C1QTNF9B: variants seen among roughly 807,000 people sequenced by gnomAD.
The protein encoded by C1QTNF9B is C1q and TNF related 9B.
A neutral mutation model predicts 10.1 loss-of-function variants in C1QTNF9B; 9 were observed. The ratio of observed to expected loss-of-function variants is 0.89; its 90% CI spans 0.53 to 1.55. C1QTNF9B has a LOEUF of 1.55. C1QTNF9B is among the 40% of genes most tolerant of loss of function. The probability of loss-of-function intolerance (pLI) is 0.00; values close to 1 mark genes in which losing one functional copy is unlikely to be tolerated. For synonymous variants in C1QTNF9B, 79 were observed against 159.9 expected (o/e 0.49, Z 3.82); for missense variants, 196 against 414.4 (o/e 0.47, Z 4.58).
chr13:23,894,616 G>C, intron 1 of C1QTNF9B: 1 of 470,312 alleles, frequency 2.1e-6, no homozygotes, highest in Non-Finnish European at 4.2e-6. Flanking sequence ...CTCTTGAGGA[G>C]AGTGGAATGG....
At chr13:23,891,584 G>A in exon 3 of C1QTNF9B, 1 of 1,583,360 alleles carries the variant, frequency 6.3e-7, no homozygotes. Context: ...CCCCACTGCT[G>A]TATCATAATG....
At chr13:23,895,867 G>C (rs1463620233) in intron 1 of C1QTNF9B, among the ~76,000 whole-genome samples, 8 of 151,980 alleles carry the variant, frequency 5.3e-5, no homozygotes, top group African/African-American at 1.9e-4. Context: ...TGGGCTATTT[G>C]CTACCGGGGG....
intron 1 of C1QTNF9B, 77 bp downstream of exon 3, chr13:23,896,744 C>G: frequency 6.3e-7 from 1 of 1,582,364 alleles, no homozygotes; most frequent in South Asian, 1.2e-5. Flanking sequence ...GGTGGAAAAC[C>G]ACACAGATGA....
chr13:23,895,756 T>TACACATAC (rs1555245156), intron 1 of C1QTNF9B, among the ~76,000 whole-genome samples: 4 of 146,594 alleles, frequency 2.7e-5, no homozygotes, highest in African/African-American at 1.0e-4. Flanking sequence ...GACACAGACA[T>TACACATAC]ACACACACAC....
At chr13:23,892,704 T>C (rs930542328) in intron 2 of C1QTNF9B, among the ~76,000 whole-genome samples, 11 of 151,884 alleles carry the variant, frequency 7.2e-5, no homozygotes, top group African/African-American at 2.4e-4. Context: ...TGTGTGCACA[T>C]GGACACACAC....
chr13:23,893,653 A>G (rs1456974751), intron 2 of C1QTNF9B, among the ~76,000 whole-genome samples: 3 of 152,052 alleles, frequency 2.0e-5, no homozygotes, highest in Non-Finnish European at 2.9e-5. Flanking sequence ...TTTTATTTGT[A>G]TAGACAAAGT....
chr13:23,896,678 G>T, intron 1 of C1QTNF9B, 143 bp downstream of exon 3: 1 of 1,164,012 alleles, frequency 8.6e-7, no homozygotes, highest in South Asian at 1.5e-5. Flanking sequence ...GGATGAATGG[G>T]GTCAGGCTCC....
chr13:23,895,454 A>G (rs1872161940), intron 1 of C1QTNF9B, among the ~76,000 whole-genome samples: 1 of 152,208 alleles, frequency 6.6e-6, no homozygotes, highest in African/African-American at 2.4e-5. Context: ...ATGTGATTGA[A>G]TGTCCTTCTA....
chr13:23,891,410 T>A lies in C1QTNF9B; in HGVS notation c.881A>T (p.Gln294Leu), dbSNP rs139434006. ...CCACATCTCATCCCCGAGCTTCAGC[T>A]GCAGGACAATGCTGCCAGAGGCCTG... The change falls in exon 3 of 3, where the codon CAG becomes CTG. Residue 294 changes from glutamine to leucine, a missense_variant. Physicochemically the swap from Gln to Leu is moderately radical, Grantham distance 113. This residue lies in a region of C1QTNF9B where 72 missense variants were observed against 87.1 expected (regional missense o/e 0.83). Coordinates refer to ENST00000382137, the Ensembl canonical transcript of C1QTNF9B. 1.9e-6 allele frequency: 3 copies of A among 1,581,940 alleles called. No homozygotes were observed. In the African/African-American group the frequency reaches 4.1e-5, roughly 22 times the overall value.
At chr13:23,891,193 A>C in exon 3 of C1QTNF9B, 1 of 1,151,550 alleles carries the variant, frequency 8.7e-7, no homozygotes, top group Non-Finnish European at 1.2e-6. Flanking sequence ...TGATTATTGT[A>C]ATAATTGGAG....
chr13:23,891,544 A>G lies in C1QTNF9B; in HGVS notation c.747T>C (p.Tyr249=), dbSNP rs367934537. 3.7e-6 allele frequency: 6 copies of G among 1,607,960 alleles called. 1 individual carries two copies. Among genetic ancestry groups the G allele is most frequent in the Non-Finnish European group, 5.1e-6 (6 of 1,176,720 alleles). ...AAACAGTGATGTGGTAGGTGAAGTA[A>G]TAGACCCCAGCAATGTGGCACGTGA... Residue 249 remains tyrosine, a synonymous_variant, in exon 3 of 3, where the codon TAT becomes TAC. Coordinates refer to ENST00000382137, the Ensembl canonical transcript of C1QTNF9B.
chr13:23,892,010 C>A (rs562795604), exon 3 of C1QTNF9B: 1 of 1,614,052 alleles, frequency 6.2e-7, no homozygotes, highest in Non-Finnish European at 8.5e-7. Context: ...TGGGGATCCT[C>A]TTGAGCCTTG....
chr13:23,897,219 T>A (rs1872235489), upstream of C1QTNF9B: 3 of 524,032 alleles, frequency 5.7e-6, no homozygotes, highest in South Asian at 1.1e-4. Context: ...TTGGAACCAC[T>A]CTTCAAGCTG....
intron 1 of C1QTNF9B, 152 bp downstream of exon 3, chr13:23,896,669 G>A: frequency 1.9e-6 from 2 of 1,040,188 alleles, no homozygotes; most frequent in Non-Finnish European, 2.8e-6. Flanking sequence ...TGGGTGGATG[G>A]ATGAATGGGG....
intron 1 of C1QTNF9B, among the ~76,000 whole-genome samples, chr13:23,895,255 T>C (rs1872155939): frequency 6.6e-6 from 1 of 152,002 alleles, no homozygotes; most frequent in Non-Finnish European, 1.5e-5. Context: ...TCTAGAGCAG[T>C]GGCCTCTGAG....
upstream of C1QTNF9B, chr13:23,897,371 A>G (rs1471586832): frequency 7.1e-6 from 2 of 282,980 alleles, no homozygotes; most frequent in South Asian, 1.1e-4. Flanking sequence ...TTTTATCACA[A>G]TATGCATAAA....
exon 2 of C1QTNF9B, chr13:23,894,187 G>C (rs1294859002): frequency 1.3e-6 from 2 of 1,507,552 alleles, no homozygotes; most frequent in Non-Finnish European, 1.8e-6. Flanking sequence ...GGGCTGCCAG[G>C]ACATCCTGGT....
chr13:23,892,796 T>G (rs527392635), intron 2 of C1QTNF9B, among the ~76,000 whole-genome samples: 1 of 152,320 alleles, frequency 6.6e-6, no homozygotes, highest in Non-Finnish European at 1.5e-5. Flanking sequence ...CCCTACCATC[T>G]AAGTCTACCA....
At chr13:23,896,768 T>C (rs2137569777) in intron 1 of C1QTNF9B, 53 bp downstream of exon 3, 2 of 1,605,912 alleles carry the variant, frequency 1.2e-6, no homozygotes, top group South Asian at 1.1e-5. Flanking sequence ...GTGAATGAGA[T>C]GAAAGTAATG....
Sources: allele counts gnomAD v4.1 joint callset (sites outside exome capture counted in the v4.1 genomes callset), GRCh38; gene constraint gnomAD v4.1.1; regional missense constraint gnomAD v4.1.1; transcripts MANE v1.5; gene names NCBI Gene and HGNC (gene_info 2026-07-23, HGNC 2026-07-21).